Variants in PTK2 observed in about 807,000 individuals in gnomAD.
PTK2 encodes protein tyrosine kinase 2.
In PTK2, 45 loss-of-function variants were observed where a neutral mutation model predicts 150.1. The observed-to-expected ratio is 0.30, with a 90% CI of 0.24 to 0.38. PTK2 has a LOEUF of 0.38. Among genes scored for constraint, PTK2 ranks in the 10% least tolerant of loss-of-function variants. PTK2 has a pLI of 1.00. For missense variants in PTK2, 919 were observed against 1,307.3 expected, an observed-to-expected ratio of 0.70 and a Z score of 4.58; for synonymous variants, 432 against 449.2, an observed-to-expected ratio of 0.96 and a Z score of 0.48.
At chr8:140,998,394 C>A (rs2100198599) in intron 1 of PTK2, among the ~76,000 whole-genome samples, 1 of 152,034 alleles carries the variant, frequency 6.6e-6, no homozygotes, top group South Asian at 2.1e-4. Flanking sequence ...TAAGATCCTA[C>A]CTCTCTAACT....
chr8:140,662,765 A>G (rs904503390), intron 31 of PTK2: 3 of 565,400 alleles, frequency 5.3e-6, no homozygotes, highest in Non-Finnish European at 1.0e-5. Flanking sequence ...AGAAGGATTC[A>G]GCATTATTTA....
chr8:140,995,121 C>T (rs1013106695), intron 1 of PTK2, among the ~76,000 whole-genome samples: 3 of 151,306 alleles, frequency 2.0e-5, no homozygotes, highest in Non-Finnish European at 4.4e-5. Flanking sequence ...TGGCTCACTC[C>T]TATAATCCCA....
At chr8:140,932,754 C>A (rs946997820) in intron 1 of PTK2, among the ~76,000 whole-genome samples, 1 of 152,138 alleles carries the variant, frequency 6.6e-6, no homozygotes, top group African/African-American at 2.4e-5. Flanking sequence ...TCCAAGGATC[C>A]TGACTAACAG....
At position 140,864,410 on chromosome 8, in the gene PTK2, T is replaced by C. The variant is rs774182219; in HGVS notation, c.363-11A>G. 7.5e-6 allele frequency: 11 copies of C among 1,461,876 alleles called. No homozygotes were observed. The South Asian group carries it at 9.7e-5, about 13-fold the overall frequency. 90.6% of individuals were successfully genotyped at this position (1,461,876 alleles called of 1,614,324 possible). On this transcript the variant is annotated splice_polypyrimidine_tract_variant and intron_variant, in intron 4 of 31. Coordinates refer to ENST00000522684, the Ensembl canonical transcript of PTK2. The stretch of plus-strand genomic sequence containing the variant: ...ATTCTCAATTCATATCTAAAAATAA[T>C]TCACAAAACAGAACAATTAGAAATC...
rs1011731222 is a variant in PTK2, at chr8:140,808,273, G to T, written c.868-4623C>A. On this transcript the variant is annotated intron_variant, in intron 10 of 31. Transcript: ENST00000522684. ...ATGGGATAGAAGCCATTACATAGCA[G>T]AGGGTTGGTCTCATTCAGGAACATG... is the stretch of plus-strand genomic sequence containing the variant. Among the ~76,000 whole-genome samples, 4 of 152,218 alleles carry T rather than the reference G, an allele frequency of 2.6e-5. 1 individual carries two copies. The highest frequency in any genetic ancestry group is 6.5e-5 in the Admixed American group (1 of 15,282).
intron 15 of PTK2, among the ~76,000 whole-genome samples, chr8:140,763,110 A>G (rs1244500005): frequency 3.3e-5 from 5 of 152,204 alleles, no homozygotes; most frequent in Non-Finnish European, 7.3e-5. Flanking sequence ...CATTTTTCCA[A>G]ACTGATACTG....
intron 8 of PTK2, among the ~76,000 whole-genome samples, chr8:140,825,851 T>G (rs1366362132): frequency 2.6e-5 from 4 of 152,216 alleles, no homozygotes; most frequent in Non-Finnish European, 5.9e-5. Flanking sequence ...GTCCCTCAAT[T>G]TGGGTTTGAC....
chr8:140,841,426 A>C (rs926989368), intron 7 of PTK2, among the ~76,000 whole-genome samples: 4 of 152,210 alleles, frequency 2.6e-5, no homozygotes, highest in Non-Finnish European at 5.9e-5. Context: ...TTAAGCCAAA[A>C]GTTAATTTAA....
At chr8:140,662,235 T>G (rs969247905) in intron 31 of PTK2, among the ~76,000 whole-genome samples, 8 of 151,666 alleles carry the variant, frequency 5.3e-5, no homozygotes, top group African/African-American at 1.9e-4. Flanking sequence ...AGTTGGAGGT[T>G]ATAGTGAGCT....
intron 2 of PTK2, among the ~76,000 whole-genome samples, chr8:140,904,359 G>A (rs1418942138): frequency 1.3e-5 from 2 of 152,148 alleles, no homozygotes; most frequent in Admixed American, 1.3e-4. Flanking sequence ...ACTTGATAGT[G>A]GTGGATATGC....
At chr8:140,768,852 T>A (rs1421168966) in intron 14 of PTK2, among the ~76,000 whole-genome samples, 1 of 152,194 alleles carries the variant, frequency 6.6e-6, no homozygotes, top group Non-Finnish European at 1.5e-5. Flanking sequence ...CTCGTTATAC[T>A]CGTTATCAAT....
intron 20 of PTK2, among the ~76,000 whole-genome samples, chr8:140,740,093 A>C (rs2100054852): frequency 2.6e-5 from 4 of 152,190 alleles, no homozygotes; most frequent in Admixed American, 2.6e-4. Context: ...TTTCAGGCCT[A>C]AACGTTTTCT....
intron 7 of PTK2, among the ~76,000 whole-genome samples, chr8:140,842,660 C>T (rs998548367): frequency 6.6e-6 from 1 of 152,074 alleles, no homozygotes; most frequent in African/African-American, 2.4e-5. Context: ...AACTAATCTA[C>T]TTATATGGAG....
intron 23 of PTK2, among the ~76,000 whole-genome samples, chr8:140,712,363 T>C (rs1211068432): frequency 6.6e-6 from 1 of 152,028 alleles, no homozygotes; most frequent in Non-Finnish European, 1.5e-5. Flanking sequence ...TTGCAATATA[T>C]GAGGGGAAAA....
intron 29 of PTK2, chr8:140,670,317 A>T (rs1334194181): frequency 6.6e-6 from 1 of 152,120 alleles, no homozygotes; most frequent in Non-Finnish European, 1.5e-5. Flanking sequence ...TTAGCAGGGT[A>T]ATGGTAGTGC....
chr8:140,751,772 G>A (rs2100062840), intron 17 of PTK2: 6 of 368,514 alleles, frequency 1.6e-5, no homozygotes, highest in South Asian at 4.2e-5. Context: ...GATTACAAGC[G>A]TGAGCTACCG....
At chr8:140,731,376 T>C (rs2100049242) in intron 22 of PTK2, among the ~76,000 whole-genome samples, 1 of 152,220 alleles carries the variant, frequency 6.6e-6, no homozygotes, top group African/African-American at 2.4e-5. Context: ...ATTGAAAGTA[T>C]TCCTATTGAG....
At chr8:140,717,753 G>C in intron 22 of PTK2, 44 bp from the exon 26 acceptor site, 1 of 1,512,476 alleles carries the variant, frequency 6.6e-7, no homozygotes, top group Non-Finnish European at 9.2e-7. Flanking sequence ...ACAACCCAGA[G>C]TTAGCACACA....
Position 140,953,970 on chromosome 8 carries a change from A to AT in PTK2, c.-121-28222dup, listed in dbSNP as rs34475974. Among the ~76,000 whole-genome samples, 338 of 144,910 alleles carry AT rather than the reference A, an allele frequency of 2.3e-3. 2 individuals carry two copies. Among genetic ancestry groups the AT allele is most frequent in the Middle Eastern group, 7.0e-3 (2 of 284 alleles). Reference sequence around the variant, plus strand: ...CTTGTTGTTACCCAGGCTGGTCTGAATTTTTTTTTTTTTTTGAAACAGGGT... The same window carrying AT: ...CTTGTTGTTACCCAGGCTGGTCTGAATTTTTTTTTTTTTTTTGAAACAGGGT... On this transcript the variant is annotated intron_variant, in intron 1 of 31. Coordinates refer to ENST00000522684, the Ensembl canonical transcript of PTK2.
Sources: gnomAD v4.1 joint callset for allele counts (sites outside exome capture counted in the v4.1 genomes callset) on GRCh38, gnomAD v4.1.1 for gene constraint, MANE v1.5 for transcripts, NCBI Gene and HGNC (gene_info 2026-07-23, HGNC 2026-07-21) for gene names.